Variants in KCNG3 observed in about 807,000 individuals in gnomAD.
The protein encoded by KCNG3 is voltage-gated potassium channel regulatory subunit KCNG3.
Under a neutral mutation model 29.0 loss-of-function variants are expected in KCNG3, and 15 were observed. The ratio of observed to expected loss-of-function variants is 0.52; its 90% CI spans 0.35 to 0.80. The LOEUF (loss-of-function observed/expected upper bound fraction) is 0.80, where lower values mean the gene tolerates loss of function less well. Among genes scored for constraint, KCNG3 ranks in the 30% least tolerant of loss-of-function variants. The pLI is 0.01. For missense variants in KCNG3, 512 were observed against 605.7 expected (o/e 0.85, Z 1.62); for synonymous variants, 322 against 248.9 (o/e 1.29, Z -2.76).
intron 1 of KCNG3, among the ~76,000 whole-genome samples, chr2:42,488,792 C>T (rs769368524): frequency 1.3e-5 from 2 of 151,990 alleles, no homozygotes; most frequent in African/African-American, 4.8e-5. Flanking sequence ...TCAGGTGATC[C>T]GCCTGCCTCG....
chr2:42,474,196 C>T (rs369321371), intron 1 of KCNG3, among the ~76,000 whole-genome samples: 1 of 151,880 alleles, frequency 6.6e-6, no homozygotes, highest in Admixed American at 6.6e-5. Flanking sequence ...AACCCTTGCT[C>T]TGGGCGACAG....
the KCNG3 span, among the ~76,000 whole-genome samples, chr2:42,427,685 T>G: frequency 3.9e-5 from 6 of 152,228 alleles, no homozygotes; most frequent in Non-Finnish European, 8.8e-5. Flanking sequence ...TATTTTTTAG[T>G]GCAAAACAGA....
chr2:42,456,053 C>G (rs1437418721), intron 1 of KCNG3, among the ~76,000 whole-genome samples: 1 of 151,298 alleles, frequency 6.6e-6, no homozygotes, highest in Non-Finnish European at 1.5e-5. Flanking sequence ...TGAATCCAAA[C>G]TCCAATAACT....
At chr2:42,398,735 G>C in the KCNG3 span, among the ~76,000 whole-genome samples, 1 of 152,202 alleles carries the variant, frequency 6.6e-6, no homozygotes, top group African/African-American at 2.4e-5. Context: ...CAAGGGACAG[G>C]AGCCGGGCTC....
At chr2:42,410,061 A>G in the KCNG3 span, among the ~76,000 whole-genome samples, 1 of 152,142 alleles carries the variant, frequency 6.6e-6, no homozygotes, top group African/African-American at 2.4e-5. Context: ...GTGGCATACT[A>G]TATATACTGA....
chr2:42,425,861 A>G, the KCNG3 span, among the ~76,000 whole-genome samples: 1 of 152,324 alleles, frequency 6.6e-6, no homozygotes, highest in Non-Finnish European at 1.5e-5. Context: ...AGTTTATTGC[A>G]AAGTGAAGTT....
At chr2:42,438,588 T>C (rs551412488), downstream of KCNG3, among the ~76,000 whole-genome samples, 19 of 152,324 alleles carry the variant, frequency 1.2e-4, no homozygotes, top group African/African-American at 4.3e-4. Context: ...AATGTATTTG[T>C]TTAAATTACA....
At position 42,443,348 on chromosome 2, in the gene KCNG3, T is replaced by C. The variant is rs1672528215; in HGVS notation, c.*586A>G. 1 of 152,606 alleles carries C rather than the reference T, an allele frequency of 6.6e-6. No homozygotes were observed. Among genetic ancestry groups the C allele is most frequent in the African/African-American group, 2.4e-5 (1 of 41,450 alleles). The allele number at this position is 152,606 out of a possible 1,614,324, so 9.5% of individuals were successfully genotyped here. A position where few individuals can be genotyped will look rare whatever the true frequency, so the allele number is the denominator to read the frequency against. Reference sequence around the variant, plus strand: ...ATAAGGTGAATAATTGGCACAAAAATAAAGCAAAGAATTGAGAAGTATGCT... The same window carrying C: ...ATAAGGTGAATAATTGGCACAAAAACAAAGCAAAGAATTGAGAAGTATGCT... On this transcript the variant is annotated 3_prime_UTR_variant, in exon 2 of 2. Transcript: ENST00000306078.
At chr2:42,396,360 G>A in the KCNG3 span, among the ~76,000 whole-genome samples, 7 of 152,164 alleles carry the variant, frequency 4.6e-5, no homozygotes, top group African/African-American at 1.4e-4. Flanking sequence ...ATGCCAAAAT[G>A]TTAAGAATTT....
intron 1 of KCNG3, among the ~76,000 whole-genome samples, chr2:42,486,254 G>A (rs1356550758): frequency 1.3e-5 from 2 of 152,168 alleles, no homozygotes; most frequent in Non-Finnish European, 1.5e-5. Flanking sequence ...CCTAGTCCTG[G>A]TAGGTGAGCT....
chr2:42,409,605 G>C, the KCNG3 span, among the ~76,000 whole-genome samples: 2 of 149,206 alleles, frequency 1.3e-5, no homozygotes, highest in African/African-American at 5.0e-5. Flanking sequence ...TCGGGAGGCT[G>C]AGGTGGAAGG....
the KCNG3 span, among the ~76,000 whole-genome samples, chr2:42,412,655 C>G: frequency 6.6e-6 from 1 of 152,076 alleles, no homozygotes; most frequent in Non-Finnish European, 1.5e-5. Flanking sequence ...GTGCATATTT[C>G]TGCTTAAATG....
At chr2:42,390,276 G>C in the KCNG3 span, among the ~76,000 whole-genome samples, 1 of 152,066 alleles carries the variant, frequency 6.6e-6, no homozygotes, top group East Asian at 1.9e-4. Flanking sequence ...TATTTCCAAA[G>C]CTCTAAGAAA....
At chr2:42,491,626 A>C (rs2103617534) in intron 1 of KCNG3, among the ~76,000 whole-genome samples, 1 of 152,318 alleles carries the variant, frequency 6.6e-6, no homozygotes, top group African/African-American at 2.4e-5. Context: ...AAACAAAATG[A>C]GTTTCCTAAT....
intron 1 of KCNG3, among the ~76,000 whole-genome samples, chr2:42,490,618 A>C (rs1304478693): frequency 1.3e-5 from 2 of 152,172 alleles, no homozygotes; most frequent in Non-Finnish European, 2.9e-5. Context: ...TTTACAACAG[A>C]AAGTTACAAT....
intron 1 of KCNG3, among the ~76,000 whole-genome samples, chr2:42,492,119 T>C (rs1673894314): frequency 6.6e-6 from 1 of 152,244 alleles, no homozygotes; most frequent in Non-Finnish European, 1.5e-5. Flanking sequence ...TACTGTTTTC[T>C]GGATTTAGGA....
chr2:42,413,391 A>G, the KCNG3 span, among the ~76,000 whole-genome samples: 1 of 152,168 alleles, frequency 6.6e-6, no homozygotes, highest in Non-Finnish European at 1.5e-5. Context: ...ACATACCTGG[A>G]TATAGATTGG....
At chr2:42,407,440 G>A in the KCNG3 span, among the ~76,000 whole-genome samples, 1 of 152,200 alleles carries the variant, frequency 6.6e-6, no homozygotes, top group Non-Finnish European at 1.5e-5. Flanking sequence ...ACAGCAGCCT[G>A]TCTGGAGCGG....
At chr2:42,467,057 A>G (rs983520938) in intron 1 of KCNG3, among the ~76,000 whole-genome samples, 1 of 152,076 alleles carries the variant, frequency 6.6e-6, no homozygotes, top group Non-Finnish European at 1.5e-5. Context: ...CCGGCCAAAA[A>G]CAGATCTTTT....
Sources: gnomAD v4.1 joint callset for allele counts (sites outside exome capture counted in the v4.1 genomes callset) on GRCh38, gnomAD v4.1.1 for gene constraint, MANE v1.5 for transcripts, NCBI Gene and HGNC (gene_info 2026-07-23, HGNC 2026-07-21) for gene names.